CEP162: variants seen among roughly 807,000 people sequenced by gnomAD.
CEP162 encodes the protein centrosomal protein of 162 kDa.
A neutral mutation model predicts 169.2 loss-of-function variants in CEP162; 141 were observed. That is an observed-to-expected ratio of 0.83 (90% CI 0.73 to 0.96). The LOEUF is 0.96. Among genes scored for constraint, CEP162 ranks in the 40% least tolerant of loss-of-function variants. CEP162 has a pLI of 0.00. For missense variants in CEP162, 1,600 were observed against 1,587.2 expected (o/e 1.01, Z -0.14); for synonymous variants, 540 against 526.4 (o/e 1.03, Z -0.35).
chr6:84,166,545 C>T (rs1218710409), intron 18 of CEP162, among the ~76,000 whole-genome samples: 1 of 152,156 alleles, frequency 6.6e-6, no homozygotes. Context: ...TCCTGGTGAG[C>T]AAGATCTGGG....
chr6:84,191,950 G>C, intron 11 of CEP162, among the ~76,000 whole-genome samples: 1 of 152,128 alleles, frequency 6.6e-6, no homozygotes, highest in Non-Finnish European at 1.5e-5. Context: ...TCTGTATTAA[G>C]GCAGTTAAAA....
At chr6:84,163,028 T>C (rs977670843) in intron 19 of CEP162, 116 bp downstream of exon 19, 49 of 991,382 alleles carry the variant, frequency 4.9e-5, no homozygotes, top group Non-Finnish European at 7.2e-5. Context: ...GTTTCTAAAA[T>C]TACAATATAC....
intron 17 of CEP162, among the ~76,000 whole-genome samples, chr6:84,171,159 T>A (rs1276349024): frequency 2.0e-5 from 3 of 152,244 alleles, no homozygotes; most frequent in Non-Finnish European, 2.9e-5. Flanking sequence ...TCCTTCAGTA[T>A]ATCATCTCCA....
chr6:84,160,821 C>T lies in CEP162; in HGVS notation c.2772G>A (p.Leu924=). The change falls in exon 21 of 27, where the codon CTG becomes CTA. Residue 924 remains leucine (L), a synonymous_variant. Transcript: ENST00000403245. ...TACCCTGAACACATACTTGTCGCTC[C>T]AGATCCTGAATTTTTTTGGCATCTG... ...KAADAKKIQD[L]ERQVKEMEGI... 6.2e-7 allele frequency: 1 copy of T among 1,603,032 alleles called. No homozygotes were observed. The highest frequency in any genetic ancestry group is 8.5e-7 in the Non-Finnish European group (1 of 1,170,342).
chr6:84,187,431 C>T (rs1352253323), intron 11 of CEP162, among the ~76,000 whole-genome samples: 1 of 152,158 alleles, frequency 6.6e-6, no homozygotes, highest in Non-Finnish European at 1.5e-5. Context: ...TTCTTGGTAA[C>T]TGCTAGTAGG....
At chr6:84,205,081 A>G (rs1165219373) in intron 6 of CEP162, among the ~76,000 whole-genome samples, 1 of 152,218 alleles carries the variant, frequency 6.6e-6, no homozygotes, top group Admixed American at 6.5e-5. Context: ...GGCAATAATT[A>G]ATAGCCTACC....
At chr6:84,162,349 T>C (rs981274281) in intron 19 of CEP162, among the ~76,000 whole-genome samples, 1 of 152,194 alleles carries the variant, frequency 6.6e-6, no homozygotes, top group Non-Finnish European at 1.5e-5. Context: ...ACTTTTACAG[T>C]GGATACTACT....
chr6:84,194,588 G>C (rs543341806), intron 10 of CEP162, among the ~76,000 whole-genome samples: 3 of 151,860 alleles, frequency 2.0e-5, no homozygotes, highest in African/African-American at 4.8e-5. Flanking sequence ...CGAGTAGCTG[G>C]GACTATAGGC....
At chr6:84,142,749 C>T (rs2099517185) in intron 25 of CEP162, among the ~76,000 whole-genome samples, 1 of 152,076 alleles carries the variant, frequency 6.6e-6, no homozygotes, top group Non-Finnish European at 1.5e-5. Flanking sequence ...AAATTAAAGA[C>T]CTAGGAGTTC....
chr6:84,132,895 G>A (rs562334707), intron 25 of CEP162, among the ~76,000 whole-genome samples: 13 of 152,188 alleles, frequency 8.5e-5, no homozygotes, highest in Non-Finnish European at 1.6e-4. Flanking sequence ...AAGGAACACA[G>A]CTGGCAAGGA....
At chr6:84,189,184 T>G (rs1034099518) in intron 11 of CEP162, among the ~76,000 whole-genome samples, 1 of 151,796 alleles carries the variant, frequency 6.6e-6, no homozygotes, top group African/African-American at 2.4e-5. Flanking sequence ...CCCGAGTAGC[T>G]GGTGAGAGGT....
chr6:84,201,280 A>G (rs895710620), intron 8 of CEP162, among the ~76,000 whole-genome samples: 2 of 141,504 alleles, frequency 1.4e-5, no homozygotes, highest in Admixed American at 1.3e-4. Flanking sequence ...TCTGTCTCAC[A>G]AACAACAAAC....
intron 6 of CEP162, among the ~76,000 whole-genome samples, chr6:84,206,152 ATTT>A (rs1038631629): frequency 1.3e-5 from 2 of 149,344 alleles, no homozygotes; most frequent in Non-Finnish European, 2.9e-5. Flanking sequence ...GCCCAAGGTA[ATTT>A]ACAGATACAG....
intron 16 of CEP162, among the ~76,000 whole-genome samples, chr6:84,172,197 T>A (rs1014343044): frequency 5.9e-5 from 9 of 152,176 alleles, no homozygotes; most frequent in African/African-American, 2.2e-4. Flanking sequence ...CGGGTGCTCA[T>A]ACTTGTATCT....
intron 25 of CEP162, among the ~76,000 whole-genome samples, chr6:84,127,831 A>G (rs2099509565): frequency 6.6e-6 from 1 of 152,164 alleles, no homozygotes; most frequent in Non-Finnish European, 1.5e-5. Flanking sequence ...GGGATGGCCA[A>G]TGACTAGTGA....
intron 11 of CEP162, among the ~76,000 whole-genome samples, chr6:84,188,041 G>A (rs1313085113): frequency 6.7e-6 from 1 of 149,966 alleles, no homozygotes; most frequent in Non-Finnish European, 1.5e-5. Context: ...TGGTTGAAAA[G>A]AGTGACCCAG....
intron 11 of CEP162, among the ~76,000 whole-genome samples, chr6:84,187,632 A>C (rs181170169): frequency 6.6e-6 from 1 of 152,112 alleles, no homozygotes; most frequent in African/African-American, 2.4e-5. Flanking sequence ...TAAGAACCCA[A>C]CTTATTTGTT....
intron 17 of CEP162, among the ~76,000 whole-genome samples, chr6:84,171,068 C>A (rs1006866411): frequency 6.6e-6 from 1 of 152,150 alleles, no homozygotes; most frequent in Non-Finnish European, 1.5e-5. Flanking sequence ...GAGAATGAAG[C>A]CAGTCTCCAG....
chr6:84,127,491 C>T (rs979738333), intron 25 of CEP162, among the ~76,000 whole-genome samples: 1 of 151,960 alleles, frequency 6.6e-6, no homozygotes, highest in Non-Finnish European at 1.5e-5. Flanking sequence ...GCAGAGAGCT[C>T]AGGGAGAGGC....
Sources: allele counts gnomAD v4.1 joint callset (sites outside exome capture counted in the v4.1 genomes callset), GRCh38; gene constraint gnomAD v4.1.1; transcripts MANE v1.5; gene names NCBI Gene and HGNC (gene_info 2026-07-23, HGNC 2026-07-21).